Variants in NEDD4 observed in about 807,000 individuals in gnomAD.
The protein encoded by NEDD4 is E3 ubiquitin-protein ligase NEDD4.
Under a neutral mutation model 144.9 loss-of-function variants are expected in NEDD4, and 99 were observed. The ratio of observed to expected loss-of-function variants is 0.68; its 90% CI spans 0.58 to 0.81. The LOEUF (loss-of-function observed/expected upper bound fraction) is 0.81. Among genes scored for constraint, NEDD4 ranks in the 30% least tolerant of loss-of-function variants. The pLI is 0.00. For missense variants in NEDD4, 985 were observed against 1,065.9 expected (o/e 0.92, Z 1.06); for synonymous variants, 318 against 350.6 (o/e 0.91, Z 1.04).
At chr15:55,942,746 T>C (rs542458669) in intron 4 of NEDD4, among the ~76,000 whole-genome samples, 6 of 152,334 alleles carry the variant, frequency 3.9e-5, no homozygotes, top group African/African-American at 1.4e-4. Context: ...AAGTCAGGCA[T>C]TGCTATACAG....
rs563524386 is a variant in NEDD4, at chr15:55,842,211, T to C, written c.1609-48A>G. The C allele has an allele frequency of 9.5e-6, 14 of 1,469,870 alleles. No homozygotes were observed. The East Asian group carries it at 3.2e-4, about 33-fold the overall frequency. 91.1% of individuals were successfully genotyped at this position (1,469,870 alleles called of 1,614,324 possible). A position where few individuals can be genotyped will look rare whatever the true frequency, so the allele number is the denominator to read the frequency against. On this transcript the variant is annotated intron_variant, in intron 18 of 28. Transcript: ENST00000435532. ...TACTGTTTAAATCAGTTCAACATAATAACAAACCCATCTCTCATAAAGTTA... is the reference window on the plus strand; with the variant it reads ...TACTGTTTAAATCAGTTCAACATAACAACAAACCCATCTCTCATAAAGTTA...
intron 5 of NEDD4, chr15:55,915,746 T>C (rs753990240): frequency 1.1e-5 from 18 of 1,613,792 alleles, no homozygotes; most frequent in Non-Finnish European, 1.4e-5. Context: ...AGACAGTCTG[T>C]CTGGGAGTAT....
At chr15:55,831,316 T>C (rs1013408888) in intron 27 of NEDD4, among the ~76,000 whole-genome samples, 2 of 152,244 alleles carry the variant, frequency 1.3e-5, no homozygotes, top group Admixed American at 6.5e-5. Context: ...CTTTGTATTC[T>C]AAGAATTTGA....
chr15:55,856,816 T>C (rs2034215478), intron 11 of NEDD4, among the ~76,000 whole-genome samples: 1 of 152,230 alleles, frequency 6.6e-6, no homozygotes, highest in African/African-American at 2.4e-5. Flanking sequence ...CCTTATGTTT[T>C]TCTATACATG....
At chr15:55,852,313 A>G in intron 13 of NEDD4, 111 bp downstream of exon 13, 1 of 1,255,780 alleles carries the variant, frequency 8.0e-7, no homozygotes, top group Admixed American at 2.7e-5. Context: ...TAAAAAAAAA[A>G]AAGAAGGTGG....
chr15:55,842,199 A>C, intron 18 of NEDD4, 36 bp from the exon 19 acceptor site: 1 of 1,536,602 alleles, frequency 6.5e-7, no homozygotes, highest in Non-Finnish European at 9.0e-7. Flanking sequence ...TGTTTAAATC[A>C]GTTCAACATA....
chr15:55,985,736 TTA>T (rs1243200976), intron 1 of NEDD4, among the ~76,000 whole-genome samples: 21 of 145,506 alleles, frequency 1.4e-4, no homozygotes, highest in Admixed American at 9.1e-4. Flanking sequence ...TTGTGTATAC[TTA>T]TATATGTGTG....
chr15:55,918,628 A>G (rs1161216332), intron 5 of NEDD4, among the ~76,000 whole-genome samples: 7 of 152,052 alleles, frequency 4.6e-5, no homozygotes, highest in African/African-American at 1.7e-4. Context: ...TTTGATCAGA[A>G]TTTTCTAAAC....
In NEDD4 at chr15:55,829,003, C is replaced by A. The variant is rs1447312578; in HGVS notation, c.*894G>T. The A allele has an allele frequency of 3.3e-5, 5 of 152,486 alleles. No individual in the cohort carries two copies. Among genetic ancestry groups the A allele is most frequent in the African/African-American group, 1.2e-4 (5 of 41,404 alleles). 9.4% of individuals were successfully genotyped at this position (152,486 alleles called of 1,614,324 possible). On this transcript the variant is annotated 3_prime_UTR_variant, in exon 29 of 29. Coordinates refer to ENST00000435532, the MANE Select transcript of NEDD4 (RefSeq NM_006154.4). ...AAGTGTAAAGAATATCTAGTAAAGG[C>A]AAGTGCTATACACTTCATTTAGTTC...
At chr15:55,927,478 G>A (rs542582535) in intron 4 of NEDD4, among the ~76,000 whole-genome samples, 57 of 152,036 alleles carry the variant, frequency 3.7e-4, no homozygotes, top group Non-Finnish European at 7.8e-4. Context: ...AAAAATTTTT[G>A]CAGAGACAAG....
chr15:55,915,107 A>T (rs1307920508), intron 5 of NEDD4, among the ~76,000 whole-genome samples: 1 of 152,152 alleles, frequency 6.6e-6, no homozygotes, highest in African/African-American at 2.4e-5. Context: ...AAATAGAGTA[A>T]AAAACTATAC....
chr15:55,938,185 C>G (rs1042678468), intron 4 of NEDD4, among the ~76,000 whole-genome samples: 2 of 152,016 alleles, frequency 1.3e-5, no homozygotes, highest in African/African-American at 2.4e-5. Flanking sequence ...GTAGTGAAAC[C>G]CTGTCTCTAC....
At chr15:55,946,880 A>C (rs2037125422) in intron 4 of NEDD4, among the ~76,000 whole-genome samples, 1 of 152,226 alleles carries the variant, frequency 6.6e-6, no homozygotes, top group African/African-American at 2.4e-5. Context: ...ACTACATAGA[A>C]ACTGAACAAC....
intron 1 of NEDD4, among the ~76,000 whole-genome samples, chr15:55,979,335 AC>A (rs1566976661): frequency 1.7e-4 from 17 of 102,462 alleles, no homozygotes; most frequent in East Asian, 3.2e-4. Flanking sequence ...GAAAGTTTTT[AC>A]CTCTTTTTTT....
Position 55,837,800 on chromosome 15 carries a change from C to G in NEDD4, c.2251G>C (p.Ala751Pro). The part of the protein sequence containing the change: ...FVNRIQKQMA[A>P]FKEGFFELIP... Reference sequence around the variant, plus strand: ...AAGAAAATGAATACCTCTTTAAAAGCAGCCATTTGCTTCTGGATTCGGTTT... The same window carrying G: ...AAGAAAATGAATACCTCTTTAAAAGGAGCCATTTGCTTCTGGATTCGGTTT... The change falls in exon 24 of 29, where the codon GCT becomes CCT. Residue 751 changes from alanine to proline, a missense_variant. Transcript: ENST00000435532. 3.1e-6 allele frequency: 5 copies of G among 1,610,976 alleles called. No individual in the cohort carries two copies. The highest frequency in any genetic ancestry group is 4.2e-6 in the Non-Finnish European group (5 of 1,177,738).
intron 5 of NEDD4, among the ~76,000 whole-genome samples, chr15:55,890,944 C>A (rs1173591373): frequency 6.6e-6 from 1 of 152,178 alleles, no homozygotes; most frequent in African/African-American, 2.4e-5. Context: ...AAATCTCTTA[C>A]AATCTTCCCT....
intron 5 of NEDD4, among the ~76,000 whole-genome samples, chr15:55,878,144 T>G (rs1399303106): frequency 6.6e-6 from 1 of 152,080 alleles, no homozygotes; most frequent in African/African-American, 2.4e-5. Flanking sequence ...TACAGATAAA[T>G]TGAAGATAAA....
chr15:55,984,115 T>A (rs2037851694), intron 1 of NEDD4, among the ~76,000 whole-genome samples: 1 of 152,204 alleles, frequency 6.6e-6, no homozygotes. Context: ...AGAAATCAAG[T>A]ACTTCAGAGG....
At chr15:55,947,266 C>T (rs1423336271) in intron 4 of NEDD4, among the ~76,000 whole-genome samples, 3 of 151,856 alleles carry the variant, frequency 2.0e-5, no homozygotes, top group African/African-American at 4.8e-5. Context: ...GCTACCAAGA[C>T]TAATAAAGAA....
Sources: gnomAD v4.1 joint callset for allele counts (sites outside exome capture counted in the v4.1 genomes callset) on GRCh38, gnomAD v4.1.1 for gene constraint, MANE v1.5 for transcripts, NCBI Gene and HGNC (gene_info 2026-07-23, HGNC 2026-07-21) for gene names.